Variants in PPARG observed in about 807,000 individuals in gnomAD.
PPARG encodes peroxisome proliferator-activated receptor gamma.
PPARG carries 17 observed loss-of-function variants against 39.2 expected under a neutral mutation model. That is an observed-to-expected ratio of 0.43 (90% CI 0.30 to 0.65). The LOEUF (loss-of-function observed/expected upper bound fraction) is 0.65, where lower values mean the gene tolerates loss of function less well. Among genes scored for constraint, PPARG ranks in the 30% least tolerant of loss-of-function variants. The probability of loss-of-function intolerance (pLI) is 0.13; values close to 1 mark genes in which losing one functional copy is unlikely to be tolerated. For synonymous variants in PPARG, 223 were observed against 215.7 expected, an observed-to-expected ratio of 1.03 and a Z score of -0.30; for missense variants, 406 against 585.9, an observed-to-expected ratio of 0.69 and a Z score of 3.17.
chr3:12,433,382 A>T (rs2051727780), intron 7 of PPARG, among the ~76,000 whole-genome samples: 2 of 152,084 alleles, frequency 1.3e-5, no homozygotes, highest in South Asian at 4.1e-4. Context: ...TACTAAAAAT[A>T]CAAAAATTAG....
rs199795414 is a variant in PPARG, at chr3:12,315,698, A to G, written c.-9+3245A>G. 3.3e-5 allele frequency among the ~76,000 whole-genome samples: 5 copies of G among 152,260 alleles called. No individual in the cohort carries two copies. The East Asian group carries it at 9.7e-4, about 29-fold the overall frequency. On this transcript the variant is annotated intron_variant, in intron 2 of 7. Coordinates refer to ENST00000651735, the MANE Select transcript of PPARG (RefSeq NM_138711.6). ...CATACACACTCCCATCCCTACCTCT[A>G]CAAGTCTGGTCTCTATTTAGTGTAC...
chr3:12,310,356 A>G (rs1225424159), intron 1 of PPARG, among the ~76,000 whole-genome samples: 2 of 152,158 alleles, frequency 1.3e-5, no homozygotes, highest in African/African-American at 4.8e-5. Context: ...AAGCTGGTAC[A>G]ACTTAATCTT....
At chr3:12,296,254 CAAA>C (rs545210244) in intron 1 of PPARG, among the ~76,000 whole-genome samples, 25 of 48,644 alleles carry the variant, frequency 5.1e-4, no homozygotes, top group Non-Finnish European at 8.7e-4. Context: ...CACTTTGTCT[CAAA>C]AAAAAAAAAA....
At chr3:12,428,257 G>A (rs1329831037) in intron 7 of PPARG, among the ~76,000 whole-genome samples, 1 of 152,216 alleles carries the variant, frequency 6.6e-6, no homozygotes, top group Non-Finnish European at 1.5e-5. Flanking sequence ...AATCCACAGT[G>A]CTCTGTAATC....
At position 12,381,387 on chromosome 3, in the gene PPARG, C is replaced by A; in HGVS notation, c.286C>A (p.Pro96Thr). The change falls in exon 4 of 8, where the codon CCT becomes ACT. Residue 96 changes from proline (P) to threonine (T), a missense_variant. By Grantham distance (38) the Pro-to-Thr change is conservative. Transcript: ENST00000651735. ...TGAGAAGACTCAGCTCTACAATAAG[C>A]CTCATGAAGAGCCTTCCAACTCCCT... is the stretch of plus-strand genomic sequence containing the variant. ...YSEKTQLYNK[P>T]HEEPSNSLMA... The A allele has an allele frequency of 6.2e-7, 1 of 1,613,314 alleles. No homozygotes were observed. Among genetic ancestry groups the A allele is most frequent in the Non-Finnish European group, 8.5e-7 (1 of 1,179,642 alleles).
chr3:12,418,715 C>T (rs987797808), intron 7 of PPARG, among the ~76,000 whole-genome samples: 10 of 152,108 alleles, frequency 6.6e-5, no homozygotes, highest in African/African-American at 9.7e-5. Flanking sequence ...CGCAAGGTTA[C>T]GTGGCTAGCA....
At chr3:12,396,772 A>G (rs1243517086) in intron 5 of PPARG, among the ~76,000 whole-genome samples, 1 of 151,974 alleles carries the variant, frequency 6.6e-6, no homozygotes, top group Non-Finnish European at 1.5e-5. Context: ...AAAAAAAAAA[A>G]AAAAGAATTG....
At chr3:12,289,709 T>C (rs1314318938) in intron 1 of PPARG, among the ~76,000 whole-genome samples, 1 of 152,210 alleles carries the variant, frequency 6.6e-6, no homozygotes, top group Non-Finnish European at 1.5e-5. Flanking sequence ...TTAGAAAACC[T>C]TTCTGGTATA....
At chr3:12,431,932 CA>C (rs1239665489) in intron 7 of PPARG, among the ~76,000 whole-genome samples, 38 of 138,846 alleles carry the variant, frequency 2.7e-4, no homozygotes, top group East Asian at 1.5e-3. Context: ...GACTCTGTCA[CA>C]AAAAAAAAAG....
chr3:12,316,828 C>T (rs983234194), intron 2 of PPARG, among the ~76,000 whole-genome samples: 3 of 151,908 alleles, frequency 2.0e-5, no homozygotes, highest in Non-Finnish European at 2.9e-5. Context: ...ATCTGGTACA[C>T]AGGAAACAGT....
At chr3:12,305,938 A>G (rs2047051759) in intron 1 of PPARG, 1 of 152,240 alleles carries the variant, frequency 6.6e-6, no homozygotes, top group Non-Finnish European at 1.5e-5. Flanking sequence ...CAAGCACCAA[A>G]TAAGTCATCT....
At chr3:12,392,023 T>C (rs1425096803) in intron 4 of PPARG, among the ~76,000 whole-genome samples, 1 of 152,190 alleles carries the variant, frequency 6.6e-6, no homozygotes, top group Admixed American at 6.5e-5. Flanking sequence ...TTACTTCTCA[T>C]GTTATTCCCA....
intron 4 of PPARG, among the ~76,000 whole-genome samples, chr3:12,388,282 G>A (rs1037075504): frequency 2.6e-5 from 4 of 152,164 alleles, no homozygotes; most frequent in African/African-American, 9.7e-5. Context: ...TCTCACAAGA[G>A]GTAGTGAAAA....
chr3:12,313,246 G>A (rs1184514815), intron 2 of PPARG, among the ~76,000 whole-genome samples: 1 of 152,098 alleles, frequency 6.6e-6, no homozygotes, highest in African/African-American at 2.4e-5. Flanking sequence ...GATAGATACA[G>A]AAATTAATAT....
chr3:12,400,466 T>C (rs1360251106), intron 5 of PPARG, among the ~76,000 whole-genome samples: 1 of 152,216 alleles, frequency 6.6e-6, no homozygotes, highest in Non-Finnish European at 1.5e-5. Flanking sequence ...GTGTGTTGTA[T>C]AAAGGAATGC....
At chr3:12,336,357 CCTGT>C (rs757644745) in intron 2 of PPARG, among the ~76,000 whole-genome samples, 1 of 152,004 alleles carries the variant, frequency 6.6e-6, no homozygotes, top group Non-Finnish European at 1.5e-5. Context: ...CGTTAAGCTT[CCTGT>C]CTGAGGTTTT....
intron 1 of PPARG, chr3:12,305,759 C>G (rs764613371): frequency 6.6e-6 from 1 of 152,216 alleles, no homozygotes. Flanking sequence ...ACTAACATTA[C>G]TCATTAAGGT....
rs10575755 is a variant in PPARG, at chr3:12,413,816, CAAAA to C, written c.730-2870_730-2867del. ...GGGCAACAGGAGCAAAACTCCATCT[CAAAA>C]AAAAAAAAAAAAAAAAATGAAATGG... is the stretch of plus-strand genomic sequence containing the variant. On this transcript the variant is annotated intron_variant, in intron 6 of 7. Coordinates refer to ENST00000651735, the MANE Select transcript of PPARG (RefSeq NM_138711.6). 5.7e-4 allele frequency among the ~76,000 whole-genome samples: 35 copies of C among 60,994 alleles called. No homozygotes were observed. In the South Asian group the frequency reaches 0.018, roughly 31 times the overall value. The allele number at this position is 60,994 out of a possible 152,430, so 40.0% of individuals were successfully genotyped here.
chr3:12,351,366 C>T, intron 2 of PPARG: 2 of 586,170 alleles, frequency 3.4e-6, no homozygotes, highest in Non-Finnish European at 3.1e-6. Context: ...TATGACACAA[C>T]TTTTTGTCAC....
Sources: allele counts gnomAD v4.1 joint callset (sites outside exome capture counted in the v4.1 genomes callset), GRCh38; gene constraint gnomAD v4.1.1; transcripts MANE v1.5; gene names NCBI Gene and HGNC (gene_info 2026-07-23, HGNC 2026-07-21).